Variants in DOCK2 observed in about 807,000 individuals in gnomAD.
DOCK2 encodes dedicator of cytokinesis 2.
A neutral mutation model predicts 248.9 loss-of-function variants in DOCK2; 87 were observed. The observed-to-expected ratio is 0.35, with a 90% CI of 0.29 to 0.42. DOCK2 has a LOEUF of 0.42. DOCK2 is among the 10% of genes least tolerant of loss of function. The pLI is 1.00. For missense variants in DOCK2, 1,747 were observed against 2,300.2 expected, an observed-to-expected ratio of 0.76 and a Z score of 4.92; for synonymous variants, 805 against 821.6, an observed-to-expected ratio of 0.98 and a Z score of 0.35.
chr5:170,046,001 G>A (rs1756695047), intron 39 of DOCK2, 96 bp downstream of exon 39: 1 of 1,150,502 alleles, frequency 8.7e-7, no homozygotes, highest in East Asian at 2.4e-5. Context: ...TGAGGGCCAG[G>A]CGGGGTTAGG....
chr5:169,771,319 C>T (rs1046450736), intron 25 of DOCK2, among the ~76,000 whole-genome samples: 5 of 152,174 alleles, frequency 3.3e-5, no homozygotes, highest in African/African-American at 4.8e-5. Flanking sequence ...CTCGCTCTGT[C>T]GCCCAGGCTG....
intron 25 of DOCK2, among the ~76,000 whole-genome samples, chr5:169,771,933 T>A (rs1765110258): frequency 6.6e-6 from 1 of 152,212 alleles, no homozygotes; most frequent in Non-Finnish European, 1.5e-5. Context: ...AGGAATCTGA[T>A]TTTTGTCTTT....
intron 3 of DOCK2, 108 bp from the exon 4 acceptor site, chr5:169,670,434 A>T (rs554129887): frequency 1.6e-6 from 2 of 1,278,732 alleles, no homozygotes; most frequent in Non-Finnish European, 2.1e-6. Flanking sequence ...TGGGGATTTT[A>T]TAAGCCAGTA....
Position 170,047,632 on chromosome 5 carries a change from T to G in DOCK2, c.4071+18T>G. 3 of 1,610,544 alleles carry G rather than the reference T, an allele frequency of 1.9e-6. No homozygotes were observed. The highest frequency in any genetic ancestry group is 2.5e-6 in the Non-Finnish European group (3 of 1,177,396). On this transcript the variant is annotated intron_variant, in intron 40 of 51. Transcript: ENST00000520908. Reference sequence around the variant, plus strand: ...TCCTGCGGGTGAGTTTGGGGGTGACTTGGACACCAGGCGAGAGCCCCAGGG... The same window carrying G: ...TCCTGCGGGTGAGTTTGGGGGTGACGTGGACACCAGGCGAGAGCCCCAGGG...
chr5:170,050,702 G>A (rs1010316), intron 41 of DOCK2, among the ~76,000 whole-genome samples: 9 of 152,076 alleles, frequency 5.9e-5, no homozygotes, highest in Admixed American at 1.3e-4. Context: ...TTGCTCTGGC[G>A]TGCTCCAACT....
chr5:169,678,647 C>A (rs944510675), intron 6 of DOCK2, among the ~76,000 whole-genome samples: 1 of 152,124 alleles, frequency 6.6e-6, no homozygotes, highest in Non-Finnish European at 1.5e-5. Flanking sequence ...GTCTTTTGAA[C>A]GGCAGGTGAT....
intron 25 of DOCK2, among the ~76,000 whole-genome samples, chr5:169,791,593 A>T (rs1381873636): frequency 6.6e-6 from 1 of 152,228 alleles, no homozygotes; most frequent in Non-Finnish European, 1.5e-5. Context: ...AAGCTAGCAG[A>T]ATCTAGAAAT....
intron 46 of DOCK2, among the ~76,000 whole-genome samples, chr5:170,073,201 C>A (rs113883887): frequency 2.5e-4 from 38 of 152,304 alleles, no homozygotes; most frequent in South Asian, 6.2e-4. Flanking sequence ...TATTTTCTTA[C>A]ACAGATTTCC....
At chr5:170,041,462 T>C (rs903205676) in intron 37 of DOCK2, among the ~76,000 whole-genome samples, 4 of 152,182 alleles carry the variant, frequency 2.6e-5, no homozygotes, top group African/African-American at 9.7e-5. Flanking sequence ...AGAACTTAGC[T>C]GTAGCTGGGA....
At chr5:169,810,989 T>TCACA (rs55987604) in intron 26 of DOCK2, among the ~76,000 whole-genome samples, 6,602 of 97,228 alleles carry the variant, frequency 0.068, 252 homozygotes, top group Admixed American at 0.21. Flanking sequence ...TCTCTCTCTC[T>TCACA]CACACACACA....
At chr5:169,833,094 A>G (rs866765646) in intron 26 of DOCK2, among the ~76,000 whole-genome samples, 22 of 152,214 alleles carry the variant, frequency 1.4e-4, no homozygotes, top group African/African-American at 5.3e-4. Context: ...AACACTGGTC[A>G]TATTACCTTG....
At chr5:169,680,309 T>G (rs1759588033) in intron 6 of DOCK2, among the ~76,000 whole-genome samples, 1 of 152,244 alleles carries the variant, frequency 6.6e-6, no homozygotes, top group Non-Finnish European at 1.5e-5. Flanking sequence ...ACACTTATTG[T>G]ATGTGAGCTG....
intron 25 of DOCK2, among the ~76,000 whole-genome samples, chr5:169,784,004 T>C (rs576725004): frequency 4.3e-4 from 65 of 152,318 alleles, no homozygotes; most frequent in African/African-American, 1.5e-3. Flanking sequence ...AGTGATGAGG[T>C]GATTTGTAAG....
At chr5:169,813,187 G>T (rs1256081034) in intron 26 of DOCK2, among the ~76,000 whole-genome samples, 1 of 152,152 alleles carries the variant, frequency 6.6e-6, no homozygotes, top group African/African-American at 2.4e-5. Flanking sequence ...ATTTTGTGAG[G>T]CAATTGTTAA....
chr5:169,704,803 G>A (rs1700311409), intron 14 of DOCK2, among the ~76,000 whole-genome samples: 1 of 131,210 alleles, frequency 7.6e-6, no homozygotes, highest in Admixed American at 8.2e-5. Context: ...GTGTGTGTGT[G>A]TGTATGTGTA....
chr5:170,046,374 C>G (rs1183044429), intron 39 of DOCK2, among the ~76,000 whole-genome samples: 1 of 152,198 alleles, frequency 6.6e-6, no homozygotes, highest in East Asian at 1.9e-4. Context: ...GCCAGCCCAG[C>G]CAATCCTGCT....
chr5:169,991,874 G>A (rs928226217), intron 29 of DOCK2, among the ~76,000 whole-genome samples: 1 of 152,220 alleles, frequency 6.6e-6, no homozygotes, highest in Non-Finnish European at 1.5e-5. Flanking sequence ...TTCCTCTTAT[G>A]TTTAATGGGT....
intron 3 of DOCK2, among the ~76,000 whole-genome samples, chr5:169,669,789 G>A (rs542229371): frequency 5.3e-5 from 8 of 152,240 alleles, no homozygotes; most frequent in Non-Finnish European, 8.8e-5. Context: ...GAGAGCAGGC[G>A]CTTGCTTTGC....
At chr5:169,987,794 A>T (rs899466374) in intron 29 of DOCK2, among the ~76,000 whole-genome samples, 1 of 152,244 alleles carries the variant, frequency 6.6e-6, no homozygotes, top group African/African-American at 2.4e-5. Flanking sequence ...ATAGATTTGT[A>T]TCTCTTAAGG....
Sources: gnomAD v4.1 joint callset for allele counts (sites outside exome capture counted in the v4.1 genomes callset) on GRCh38, gnomAD v4.1.1 for gene constraint, MANE v1.5 for transcripts, NCBI Gene and HGNC (gene_info 2026-07-23, HGNC 2026-07-21) for gene names.